The following WWOX variants were observed in gnomAD, a reference collection of about 807,000 sequenced individuals.
WWOX encodes the protein WW domain containing oxidoreductase.
A neutral mutation model predicts 46.2 loss-of-function variants in WWOX; 69 were observed. The ratio of observed to expected loss-of-function variants is 1.49; its 90% CI spans 1.23 to 1.82. The LOEUF is 1.82. Among genes scored for constraint, WWOX ranks in the 40% most tolerant of loss-of-function variants. WWOX has a pLI of 0.00. For missense variants in WWOX, 919 were observed against 542.6 expected, an observed-to-expected ratio of 1.69 and a Z score of -6.89; for synonymous variants, 359 against 202.6, an observed-to-expected ratio of 1.77 and a Z score of -6.56.
chr16:78,905,373 G>A (rs958730328), intron 8 of WWOX, among the ~76,000 whole-genome samples: 3 of 152,114 alleles, frequency 2.0e-5, no homozygotes, highest in African/African-American at 7.2e-5. Flanking sequence ...TGGACGCTTG[G>A]AAGAATTCTT....
chr16:78,172,068 G>A (rs1048159896), intron 5 of WWOX, among the ~76,000 whole-genome samples: 1 of 152,186 alleles, frequency 6.6e-6, no homozygotes, highest in Non-Finnish European at 1.5e-5. Context: ...GGGAGATAAC[G>A]GGGTGGATCC....
At chr16:78,637,469 C>G (rs2046601218) in intron 8 of WWOX, among the ~76,000 whole-genome samples, 2 of 152,156 alleles carry the variant, frequency 1.3e-5, no homozygotes, top group South Asian at 4.2e-4. Context: ...GTTTCTGGCC[C>G]CACGTTACAG....
At chr16:78,998,925 C>T (rs2047041525) in intron 8 of WWOX, among the ~76,000 whole-genome samples, 1 of 152,158 alleles carries the variant, frequency 6.6e-6, no homozygotes, top group South Asian at 2.1e-4. Context: ...GTATAAATGT[C>T]CCAAATGCCA....
At chr16:78,436,378 G>C (rs948453985) in intron 8 of WWOX, among the ~76,000 whole-genome samples, 2 of 152,194 alleles carry the variant, frequency 1.3e-5, no homozygotes, top group Non-Finnish European at 2.9e-5. Context: ...TGAGGAAGCC[G>C]TAGGGTGTGG....
intron 5 of WWOX, among the ~76,000 whole-genome samples, chr16:78,362,744 A>G (rs2081438460): frequency 1.3e-5 from 2 of 152,220 alleles, no homozygotes; most frequent in Non-Finnish European, 2.9e-5. Flanking sequence ...TAGTAGACAC[A>G]GTTCATGAAG....
chr16:78,689,212 C>G (rs888380757), intron 8 of WWOX, among the ~76,000 whole-genome samples: 1 of 152,194 alleles, frequency 6.6e-6, no homozygotes, highest in Admixed American at 6.5e-5. Context: ...GCAGTAGTGA[C>G]CTTGTTGAGA....
chr16:78,756,134 C>G (rs529138376), intron 8 of WWOX, among the ~76,000 whole-genome samples: 1 of 152,140 alleles, frequency 6.6e-6, no homozygotes, highest in Admixed American at 6.5e-5. Flanking sequence ...ATATAAAACA[C>G]GAACGGGGAT....
At chr16:78,761,405 G>C (rs949250314) in intron 8 of WWOX, among the ~76,000 whole-genome samples, 2 of 152,038 alleles carry the variant, frequency 1.3e-5, no homozygotes, top group Non-Finnish European at 2.9e-5. Flanking sequence ...ATTTAGTTTT[G>C]TTTACCTGTT....
At chr16:78,171,675 G>A (rs148430972) in intron 5 of WWOX, among the ~76,000 whole-genome samples, 2 of 152,204 alleles carry the variant, frequency 1.3e-5, no homozygotes, top group African/African-American at 4.8e-5. Context: ...CGGGAAGAGC[G>A]CATCCTAAAT....
intron 8 of WWOX, among the ~76,000 whole-genome samples, chr16:78,815,633 C>G (rs570385863): frequency 6.6e-6 from 1 of 152,208 alleles, no homozygotes; most frequent in Admixed American, 6.5e-5. Flanking sequence ...TGGAAGGAAA[C>G]TTCGTCTGAG....
At position 78,339,926 on chromosome 16, in the gene WWOX, C is replaced by T. The variant is rs2080974606; in HGVS notation, c.517-46934C>T. ...TTAGGTATTCAGATCCTAGACCTCC[C>T]AGATGGCCTCATAAGTATTTTTATC... On this transcript the variant is annotated intron_variant, in intron 5 of 8. Transcript: ENST00000566780. Among the ~76,000 whole-genome samples the T allele has an allele frequency of 2.9e-5, 3 of 104,472 alleles. 1 individual carries two copies. Among genetic ancestry groups the T allele is most frequent in the Admixed American group, 1.0e-4 (1 of 9,712 alleles). The allele number at this position is 104,472 out of a possible 152,430, so 68.5% of individuals were successfully genotyped here.
intron 5 of WWOX, among the ~76,000 whole-genome samples, chr16:78,294,823 GTTGA>G (rs997392075): frequency 2.0e-5 from 3 of 152,200 alleles, no homozygotes; most frequent in Non-Finnish European, 4.4e-5. Context: ...GTCAACATTT[GTTGA>G]TTGTGAATGA....
intron 8 of WWOX, among the ~76,000 whole-genome samples, chr16:78,624,668 C>T (rs1342463534): frequency 6.6e-6 from 1 of 152,170 alleles, no homozygotes; most frequent in African/African-American, 2.4e-5. Context: ...AAAACCCTCA[C>T]TTTTATTGCA....
intron 5 of WWOX, among the ~76,000 whole-genome samples, chr16:78,204,550 A>C (rs907829405): frequency 1.3e-5 from 2 of 151,988 alleles, no homozygotes; most frequent in African/African-American, 4.8e-5. Context: ...CCACCTCCTC[A>C]TCAACCCCCC....
chr16:78,389,599 C>A (rs1053411928), intron 6 of WWOX, among the ~76,000 whole-genome samples: 3 of 152,240 alleles, frequency 2.0e-5, no homozygotes, highest in Middle Eastern at 6.8e-3. Context: ...GGAGTAGATG[C>A]TATTAATATC....
intron 8 of WWOX, among the ~76,000 whole-genome samples, chr16:79,007,670 G>A (rs9935794): frequency 0.19 from 28,180 of 152,180 alleles, 2,935 homozygotes; most frequent in Middle Eastern, 0.33. Flanking sequence ...GGAAAGCACT[G>A]TTATCAGATG....
chr16:78,702,007 T>TTACATATATATATATATA (rs1491150899), intron 8 of WWOX, among the ~76,000 whole-genome samples: 34 of 57,624 alleles, frequency 5.9e-4, no homozygotes, highest in African/African-American at 2.1e-3. Context: ...CTACATAAAA[T>TTACATATATATATATATA]TATATATATA....
At chr16:78,872,241 T>C (rs1029721864) in intron 8 of WWOX, among the ~76,000 whole-genome samples, 1 of 152,196 alleles carries the variant, frequency 6.6e-6, no homozygotes, top group African/African-American at 2.4e-5. Context: ...CTGAGATCTC[T>C]ATGAGAGCTC....
intron 8 of WWOX, among the ~76,000 whole-genome samples, chr16:78,931,166 C>G (rs942002345): frequency 6.6e-6 from 1 of 152,104 alleles, no homozygotes; most frequent in African/African-American, 2.4e-5. Flanking sequence ...GAAAACAGAG[C>G]TATACGCACA....
Sources: allele counts gnomAD v4.1 joint callset (sites outside exome capture counted in the v4.1 genomes callset), GRCh38; gene constraint gnomAD v4.1.1; transcripts MANE v1.5; gene names NCBI Gene and HGNC (gene_info 2026-07-23, HGNC 2026-07-21).